The following PLEKHM1 variants were observed in gnomAD, a reference collection of about 807,000 sequenced individuals.
PLEKHM1 encodes the protein pleckstrin homology and RUN domain containing M1.
PLEKHM1 carries 28 observed loss-of-function variants against 94.3 expected under a neutral mutation model. The ratio of observed to expected loss-of-function variants is 0.30; its 90% CI spans 0.22 to 0.41. The LOEUF (loss-of-function observed/expected upper bound fraction) is 0.41, where lower values mean the gene tolerates loss of function less well. Ranked by LOEUF, PLEKHM1 falls within the 10% of genes least tolerant of loss-of-function variation. The pLI, the probability that PLEKHM1 is intolerant of heterozygous loss-of-function variation, is 1.00. For synonymous variants in PLEKHM1, 424 were observed against 581.2 expected (o/e 0.73, Z 3.89); for missense variants, 907 against 1,358.6 (o/e 0.67, Z 5.22).
chr17:45,486,320 C>T (rs1202230424), intron 1 of PLEKHM1, among the ~76,000 whole-genome samples: 4 of 151,200 alleles, frequency 2.6e-5, no homozygotes, highest in Non-Finnish European at 4.4e-5. Context: ...CGGTGGCTCA[C>T]GCCTGTAATC....
chr17:45,449,798 C>T (rs1349019890), intron 8 of PLEKHM1, among the ~76,000 whole-genome samples: 11 of 151,706 alleles, frequency 7.3e-5, no homozygotes, highest in African/African-American at 2.7e-4. Flanking sequence ...ACCTACCCAT[C>T]CACCTAGCCA....
At chr17:45,472,660 A>G (rs1032356131) in intron 4 of PLEKHM1, among the ~76,000 whole-genome samples, 1 of 152,194 alleles carries the variant, frequency 6.6e-6, no homozygotes, top group Admixed American at 6.5e-5. Flanking sequence ...TCCTCCATTT[A>G]ACATTTGAAA....
intron 5 of PLEKHM1, chr17:45,460,050 AGAG>A (rs2051106056): frequency 6.6e-6 from 1 of 151,960 alleles, no homozygotes; most frequent in Non-Finnish European, 1.5e-5. Flanking sequence ...ATACACAAAG[AGAG>A]GAGAACACCA....
intron 4 of PLEKHM1, among the ~76,000 whole-genome samples, chr17:45,468,970 G>A (rs1400603226): frequency 1.3e-5 from 2 of 151,100 alleles, no homozygotes; most frequent in African/African-American, 2.4e-5. Context: ...CCCCAAACAT[G>A]GTATGCAGCA....
rs767808844 is a variant in PLEKHM1 at position 45,454,164 on chromosome 17, C to T, written c.1688G>A (p.Arg563His). 1.5e-5 allele frequency: 25 copies of T among 1,613,860 alleles called. No homozygotes were observed. The highest frequency in any genetic ancestry group is 1.2e-4 in the Admixed American group (7 of 60,014). The part of the protein sequence containing the change: ...LFCELSPLEF[R>H]LYLSNEEHTC... ...GTGCTCCTCGTTGCTCAGGTAGAGG[C>T]GGAACTCCAGCGGGGAGAGCTCGCA... is the stretch of plus-strand genomic sequence containing the variant. Residue 563 changes from arginine (R) to histidine (H), a missense_variant, in exon 7 of 12, where the codon CGC (arginine) becomes CAC (histidine). Coordinates refer to ENST00000430334, the MANE Select transcript of PLEKHM1 (RefSeq NM_014798.3).
At chr17:45,461,020 G>A (rs537741895) in intron 5 of PLEKHM1, among the ~76,000 whole-genome samples, 1 of 152,252 alleles carries the variant, frequency 6.6e-6, no homozygotes, top group Admixed American at 6.5e-5. Flanking sequence ...GAGTAGCTGG[G>A]ACTACAGGTG....
chr17:45,471,627 G>T (rs1479422951), intron 4 of PLEKHM1, among the ~76,000 whole-genome samples: 1 of 151,986 alleles, frequency 6.6e-6, no homozygotes, highest in African/African-American at 2.4e-5. Context: ...GTGGTGGCAG[G>T]CCCCTATAAT....
intron 1 of PLEKHM1, among the ~76,000 whole-genome samples, chr17:45,484,586 G>T (rs575328917): frequency 9.9e-5 from 15 of 152,280 alleles, no homozygotes; most frequent in Admixed American, 3.9e-4. Flanking sequence ...AAATCAAGCT[G>T]TACCCCAATC....
chr17:45,468,767 C>T (rs969951320), intron 4 of PLEKHM1, among the ~76,000 whole-genome samples, 174 bp from the exon 5 acceptor site: 14 of 152,294 alleles, frequency 9.2e-5, no homozygotes, highest in Middle Eastern at 3.4e-3. Flanking sequence ...ACTCCCACCA[C>T]GTTTTTCCTG....
chr17:45,474,900 C>T (rs1399510337), intron 4 of PLEKHM1, among the ~76,000 whole-genome samples, 200 bp downstream of exon 4: 1 of 152,176 alleles, frequency 6.6e-6, no homozygotes, highest in Non-Finnish European at 1.5e-5. Flanking sequence ...TCTAAGTCCA[C>T]TTTCTCCACT....
chr17:45,449,752 G>A (rs1234736917), intron 8 of PLEKHM1, among the ~76,000 whole-genome samples: 3 of 119,844 alleles, frequency 2.5e-5, no homozygotes, highest in Non-Finnish European at 3.5e-5. Context: ...CTACCTACCT[G>A]CCCATCCACC....
chr17:45,456,536 T>C (rs1421496431), intron 6 of PLEKHM1, among the ~76,000 whole-genome samples: 1 of 152,194 alleles, frequency 6.6e-6, no homozygotes, highest in Non-Finnish European at 1.5e-5. Flanking sequence ...TCCCTGCCCC[T>C]CAAGAAACCT....
chr17:45,487,906 G>A (rs1174959143), intron 1 of PLEKHM1: 2 of 411,930 alleles, frequency 4.9e-6, no homozygotes, highest in Non-Finnish European at 9.7e-6. Context: ...TCCAACTGCT[G>A]TACCAATTGA....
At chr17:45,473,593 C>G (rs1453096802) in intron 4 of PLEKHM1, among the ~76,000 whole-genome samples, 2 of 151,322 alleles carry the variant, frequency 1.3e-5, no homozygotes, top group Non-Finnish European at 2.9e-5. Flanking sequence ...GAGTCTCACT[C>G]TGTCACCCAG....
At chr17:45,462,778 A>G (rs1346292854) in intron 5 of PLEKHM1, among the ~76,000 whole-genome samples, 2 of 152,216 alleles carry the variant, frequency 1.3e-5, no homozygotes, top group Non-Finnish European at 2.9e-5. Flanking sequence ...ACAAATGTAA[A>G]TTTTAAGATT....
chr17:45,452,125 T>C (rs922985832), intron 7 of PLEKHM1, among the ~76,000 whole-genome samples: 2 of 152,100 alleles, frequency 1.3e-5, no homozygotes, highest in African/African-American at 4.8e-5. Flanking sequence ...AAGGGTCCCA[T>C]GGTGATGGGA....
At chr17:45,475,874 G>A in intron 3 of PLEKHM1, 148 bp from the exon 4 acceptor site, 2 of 870,268 alleles carry the variant, frequency 2.3e-6, no homozygotes, top group Non-Finnish European at 1.9e-6. Context: ...TAGGCCAGAT[G>A]TGGTGGCTCA....
In PLEKHM1 at chr17:45,479,442, C is replaced by T. The variant is rs2051866601; in HGVS notation, c.49-1295G>A. On this transcript the variant is annotated intron_variant, in intron 2 of 11. Coordinates refer to ENST00000430334, the MANE Select transcript of PLEKHM1 (RefSeq NM_014798.3). The stretch of plus-strand genomic sequence containing the variant: ...CTGAGGCAGGAGAATGGCGTGAACT[C>T]AGGAGGCGGAGTTTCCAGTGAGCCA... Among the ~76,000 whole-genome samples the T allele has an allele frequency of 4.0e-5, 6 of 150,774 alleles. 1 individual carries two copies. The South Asian group carries it at 1.2e-3, about 31-fold the overall frequency.
chr17:45,458,566 G>A lies in PLEKHM1; in HGVS notation c.1309-127C>T, dbSNP rs1176264547. 5.5e-5 allele frequency: 49 copies of A among 891,990 alleles called. No individual in the cohort carries two copies. In the East Asian group the frequency reaches 1.1e-3, roughly 20 times the overall value. The allele number at this position is 891,990 out of a possible 1,614,324, so 55.3% of individuals were successfully genotyped here. ...GCTCACTGCAACCTCTGACTCCTGG[G>A]TTCAAGCGATTCTCCTGCCCCAGTC... On this transcript the variant is annotated intron_variant, in intron 5 of 11. Transcript: ENST00000430334.
Sources: gnomAD v4.1 joint callset for allele counts (sites outside exome capture counted in the v4.1 genomes callset) on GRCh38, gnomAD v4.1.1 for gene constraint, MANE v1.5 for transcripts, NCBI Gene and HGNC (gene_info 2026-07-23, HGNC 2026-07-21) for gene names.